The following PCDH15 variants were observed in gnomAD, a reference collection of about 807,000 sequenced individuals.
PCDH15 encodes protocadherin related 15.
A neutral mutation model predicts 178.5 loss-of-function variants in PCDH15; 129 were observed. The observed-to-expected ratio is 0.72, with a 90% CI of 0.63 to 0.84. PCDH15 has a LOEUF of 0.84. PCDH15 is among the 40% of genes least tolerant of loss of function. The probability of loss-of-function intolerance (pLI) is 0.00; values close to 1 mark genes in which losing one functional copy is unlikely to be tolerated. For synonymous variants in PCDH15, 800 were observed against 732.0 expected, an observed-to-expected ratio of 1.09 and a Z score of -1.50; for missense variants, 2,230 against 2,099.9, an observed-to-expected ratio of 1.06 and a Z score of -1.21.
chr10:54,226,002 C>T (rs1050168963), intron 9 of PCDH15, among the ~76,000 whole-genome samples: 1 of 151,994 alleles, frequency 6.6e-6, no homozygotes, highest in African/African-American at 2.4e-5. Flanking sequence ...GCTATAAGGA[C>T]ATATTAGTAC....
intron 3 of PCDH15, among the ~76,000 whole-genome samples, chr10:54,430,452 A>C (rs940307314): frequency 6.6e-6 from 1 of 152,210 alleles, no homozygotes; most frequent in African/African-American, 2.4e-5. Flanking sequence ...AAAAATTGAA[A>C]TATCAAGCAT....
At chr10:54,568,276 T>C (rs2133504600) in intron 2 of PCDH15, among the ~76,000 whole-genome samples, 1 of 152,134 alleles carries the variant, frequency 6.6e-6, no homozygotes, top group South Asian at 2.1e-4. Context: ...CTTTAGTTCC[T>C]GTCTCTACTC....
Position 53,903,255 on chromosome 10 carries a change from TA to T in PCDH15, c.3488del (p.Val1163AspfsTer4). The T allele has an allele frequency of 1.9e-6, 3 of 1,612,978 alleles. No homozygotes were observed. Among genetic ancestry groups the T allele is most frequent in the Non-Finnish European group, 1.7e-6 (2 of 1,179,370 alleles). On this transcript the variant is annotated frameshift_variant, in exon 26 of 38. Coordinates refer to ENST00000644397, the MANE Select transcript of PCDH15 (RefSeq NM_001384140.1). LOFTEE classifies it high-confidence loss of function. ...TAATTCCGCATACCTTCACTCTGAG[TA>T]CAGAAGTAAACATTCTTGCATCTTC... ...VSEDARMFTSVLRVKATDKDT... is the reference protein window; with the variant it reads ...VSEDARMFTSXLRVKATDKDT...
Position 53,820,352 on chromosome 10 carries a change from A to G in PCDH15, c.4368-122T>C, listed in dbSNP as rs569866657. On this transcript the variant is annotated intron_variant, in intron 32 of 37. Coordinates refer to ENST00000644397, the MANE Select transcript of PCDH15 (RefSeq NM_001384140.1). ...GGCTAATAAAAATAATCAGATTTAC[A>G]GATTGTTTTCTGTCTGATCTTGGTA... is the stretch of plus-strand genomic sequence containing the variant. The G allele has an allele frequency of 7.7e-6, 3 of 391,200 alleles. No homozygotes were observed. In the East Asian group the frequency reaches 1.1e-4, roughly 14 times the overall value. The allele number at this position is 391,200 out of a possible 1,614,324, so 24.2% of individuals were successfully genotyped here.
chr10:54,516,819 G>C (rs1376184300), intron 3 of PCDH15, among the ~76,000 whole-genome samples: 1 of 152,082 alleles, frequency 6.6e-6, no homozygotes, highest in Non-Finnish European at 1.5e-5. Context: ...AGAAAGATTG[G>C]GTTACCCACA....
intron 1 of PCDH15, among the ~76,000 whole-genome samples, chr10:54,715,553 CT>C (rs1197760432): frequency 2.6e-5 from 4 of 152,242 alleles, no homozygotes; most frequent in Middle Eastern, 6.8e-3. Context: ...AAGCCACCCC[CT>C]GATGGCGTTT....
chr10:55,307,899 A>C (rs1250673129), intron 1 of PCDH15, among the ~76,000 whole-genome samples: 3 of 152,110 alleles, frequency 2.0e-5, no homozygotes, highest in African/African-American at 7.2e-5. Flanking sequence ...CTAACGAGAG[A>C]GAAAAATGTT....
intron 2 of PCDH15, among the ~76,000 whole-genome samples, chr10:54,647,395 T>C (rs1330701012): frequency 1.3e-5 from 2 of 152,010 alleles, no homozygotes; most frequent in African/African-American, 4.8e-5. Context: ...CTAAACAACA[T>C]GTGTAGATAT....
intron 1 of PCDH15, among the ~76,000 whole-genome samples, chr10:55,306,936 C>T (rs1407626562): frequency 1.3e-5 from 2 of 148,810 alleles, no homozygotes; most frequent in East Asian, 4.0e-4. Flanking sequence ...TCTTTGAATA[C>T]CTGATAGAGA....
At chr10:55,330,866 GTGTA>G (rs376998966) in intron 2 of PCDH15, among the ~76,000 whole-genome samples, 1 of 142,854 alleles carries the variant, frequency 7.0e-6, no homozygotes, top group African/African-American at 2.5e-5. Context: ...GTGTGTGTGT[GTGTA>G]TGTGTATGTG....
chr10:54,805,564 G>A (rs968892067), upstream of PCDH15, among the ~76,000 whole-genome samples: 2 of 152,092 alleles, frequency 1.3e-5, no homozygotes, highest in Admixed American at 6.5e-5. Flanking sequence ...CAGAATTCAA[G>A]GTAGACATAG....
intron 3 of PCDH15, among the ~76,000 whole-genome samples, chr10:54,478,454 A>T (rs1249486110): frequency 6.6e-6 from 1 of 152,146 alleles, no homozygotes; most frequent in African/African-American, 2.4e-5. Flanking sequence ...ATTTTTCAAG[A>T]TAAAAAAGTT....
At chr10:54,105,243 GAGATAT>G (rs1381693311) in intron 15 of PCDH15, among the ~76,000 whole-genome samples, 3 of 141,776 alleles carry the variant, frequency 2.1e-5, no homozygotes, top group East Asian at 4.2e-4. Context: ...GAACTAACAA[GAGATAT>G]AGATATAGAT....
intron 3 of PCDH15, among the ~76,000 whole-genome samples, chr10:54,417,098 C>T (rs1330120636): frequency 2.6e-5 from 4 of 152,066 alleles, no homozygotes; most frequent in Admixed American, 2.0e-4. Context: ...CCATGTTTCC[C>T]AGGCTGGTCT....
rs76906392 is a variant in PCDH15, at chr10:55,401,380, C to T, written c.-156+226245G>A. On this transcript the variant is annotated intron_variant, in intron 2 of 5. Transcript: ENST00000613346. The stretch of plus-strand genomic sequence containing the variant: ...TTTTTGTCAATTCTGCTACATAATT[C>T]GTAGTCATATGGGAGGAATTTGGCC... 7.9e-3 allele frequency among the ~76,000 whole-genome samples: 1,205 copies of T among 151,900 alleles called. 15 individuals carry two copies. Among genetic ancestry groups the T allele is most frequent in the African/African-American group, 0.026 (1,083 of 41,444 alleles).
intron 2 of PCDH15, among the ~76,000 whole-genome samples, chr10:55,432,791 ATATATTTT>A (rs1838918336): frequency 6.6e-6 from 1 of 151,160 alleles, no homozygotes; most frequent in East Asian, 1.9e-4. Flanking sequence ...ATATATATAT[ATATATTTT>A]ATTTTTAGTA....
At chr10:55,308,706 GAA>G (rs1843495203) in intron 1 of PCDH15, among the ~76,000 whole-genome samples, 1 of 152,136 alleles carries the variant, frequency 6.6e-6, no homozygotes, top group Non-Finnish European at 1.5e-5. Flanking sequence ...TTACCTTAGT[GAA>G]AAGAGGAAAG....
intron 1 of PCDH15, among the ~76,000 whole-genome samples, chr10:55,242,925 G>A (rs1390854840): frequency 1.3e-5 from 2 of 152,132 alleles, no homozygotes; most frequent in African/African-American, 4.8e-5. Flanking sequence ...TAGGTTGAAG[G>A]AGTTAAAAAT....
chr10:55,091,765 TC>T (rs1464008875), intron 2 of PCDH15, among the ~76,000 whole-genome samples: 18 of 152,048 alleles, frequency 1.2e-4, no homozygotes, highest in African/African-American at 4.1e-4. Flanking sequence ...AAAATGTAAT[TC>T]TTAAAATTCT....
Sources: allele counts gnomAD v4.1 joint callset (sites outside exome capture counted in the v4.1 genomes callset), GRCh38; gene constraint gnomAD v4.1.1; transcripts MANE v1.5; gene names NCBI Gene and HGNC (gene_info 2026-07-23, HGNC 2026-07-21).